CLTCL1: variants seen among roughly 807,000 people sequenced by gnomAD.
CLTCL1 encodes the protein clathrin heavy chain 2.
Under a neutral mutation model 190.0 loss-of-function variants are expected in CLTCL1, and 159 were observed. That is an observed-to-expected ratio of 0.84 (90% CI 0.74 to 0.95). The LOEUF is 0.95. CLTCL1 is among the 40% of genes least tolerant of loss of function. CLTCL1 has a pLI of 0.00. For missense variants in CLTCL1, 1,878 were observed against 2,033.4 expected (o/e 0.92, Z 1.47); for synonymous variants, 752 against 769.6 (o/e 0.98, Z 0.38).
chr22:19,182,990 G>A (rs868906747), intron 30 of CLTCL1: 2 of 254,860 alleles, frequency 7.8e-6, no homozygotes. Flanking sequence ...ACCACCAACC[G>A]TATGCTAACA....
chr22:19,227,195 G>A (rs1555956508), intron 11 of CLTCL1, among the ~76,000 whole-genome samples: 2 of 151,534 alleles, frequency 1.3e-5, no homozygotes, highest in Non-Finnish European at 2.9e-5. Flanking sequence ...TCTCTACTAG[G>A]CTAAATACAG....
intron 22 of CLTCL1, among the ~76,000 whole-genome samples, chr22:19,201,913 T>C (rs1445277132): frequency 6.6e-6 from 1 of 152,112 alleles, no homozygotes. Flanking sequence ...ATCTTTCTCA[T>C]TCTCTGGCAA....
chr22:19,266,906 G>A (rs952299913), intron 2 of CLTCL1, among the ~76,000 whole-genome samples: 3 of 152,090 alleles, frequency 2.0e-5, no homozygotes, highest in South Asian at 4.1e-4. Context: ...AATTGTAAAA[G>A]GCTAAAAACT....
At position 19,181,193 on chromosome 22, in the gene CLTCL1, T is replaced by G. The variant is rs563780767; in HGVS notation, c.4828-387A>C. The G allele has an allele frequency of 3.9e-4, 80 of 207,000 alleles. 1 individual carries two copies. In the Middle Eastern group the frequency reaches 9.1e-3, roughly 23 times the overall value. 12.8% of individuals were successfully genotyped at this position (207,000 alleles called of 1,614,324 possible). ...CCATGTGCAGGGAACACTGTCTGCT[T>G]CTGGCTCTGGCCAGTCTAGTTTGCC... is the stretch of plus-strand genomic sequence containing the variant. On this transcript the variant is annotated intron_variant, in intron 30 of 32. Coordinates refer to ENST00000427926, the MANE Select transcript of CLTCL1 (RefSeq NM_007098.4).
intron 11 of CLTCL1, among the ~76,000 whole-genome samples, chr22:19,227,755 C>G (rs2085797024): frequency 6.6e-6 from 1 of 152,034 alleles, no homozygotes; most frequent in Admixed American, 6.6e-5. Flanking sequence ...ACCTGGCCCA[C>G]CTGGCTAATT....
intron 22 of CLTCL1, among the ~76,000 whole-genome samples, chr22:19,206,597 AT>A (rs200004246): frequency 0.011 from 1,646 of 148,736 alleles, 30 homozygotes; most frequent in African/African-American, 0.038. Flanking sequence ...TCATTTTGTT[AT>A]TTTTTTTCTT....
rs1555926962 is a variant in CLTCL1, at chr22:19,183,648, A to ATCC, written c.4606-38_4606-37insGGA. 4.0e-5 allele frequency: 64 copies of ATCC among 1,605,188 alleles called. 1 individual carries two copies. The highest frequency in any genetic ancestry group is 5.1e-5 in the Non-Finnish European group (60 of 1,174,778). On this transcript the variant is annotated intron_variant, in intron 29 of 32. Transcript: ENST00000427926. ...GCAAATGCTTGCTTGGGCATCCTGC[A>ATCC]GGCAGAGGCTTTGTGCCTGCAGCAG...
Position 19,179,857 on chromosome 22 carries a change from T to G in CLTCL1, c.*133A>C. On this transcript the variant is annotated 3_prime_UTR_variant, in exon 33 of 33. Transcript: ENST00000427926. ...GAAGTTAGTAACTCTGCAGGTAGGG[T>G]GGGTGGTGACAACGCCCACTACACG... 5 of 338,350 alleles carry G rather than the reference T, an allele frequency of 1.5e-5. No homozygotes were observed. The highest frequency in any genetic ancestry group is 2.2e-5 in the Non-Finnish European group (4 of 181,620). 21.0% of individuals were successfully genotyped at this position (338,350 alleles called of 1,614,324 possible).
At chr22:19,182,865 T>C in intron 30 of CLTCL1, 5 of 153,218 alleles carry the variant, frequency 3.3e-5, no homozygotes, top group South Asian at 2.0e-4. Flanking sequence ...CCAGGGAGAG[T>C]TTTACAATCA....
chr22:19,278,321 T>C (rs2087587425), intron 1 of CLTCL1, among the ~76,000 whole-genome samples: 1 of 151,896 alleles, frequency 6.6e-6, no homozygotes, highest in African/African-American at 2.4e-5. Context: ...AATAAGAACA[T>C]GGGGGTCATT....
chr22:19,227,840 T>C (rs1258316125), intron 11 of CLTCL1, among the ~76,000 whole-genome samples: 3 of 152,182 alleles, frequency 2.0e-5, no homozygotes, highest in African/African-American at 4.8e-5. Flanking sequence ...TCTGCTCACC[T>C]TGGCCTCCAA....
Position 19,232,632 on chromosome 22 carries a change from A to G in CLTCL1, c.1522-34T>C, listed in dbSNP as rs190613274. 962 of 1,588,066 alleles carry G rather than the reference A, an allele frequency of 6.1e-4. 2 individuals carry two copies. The highest frequency in any genetic ancestry group is 6.1e-4 in the Non-Finnish European group (718 of 1,167,902). ...AAGGGAGCACCAATCAGGAAAATCAATGAAAAACCCTGGGCATTAGAAAAG... is the reference window on the plus strand; with the variant it reads ...AAGGGAGCACCAATCAGGAAAATCAGTGAAAAACCCTGGGCATTAGAAAAG... On this transcript the variant is annotated intron_variant, in intron 9 of 32. Coordinates refer to ENST00000427926, the MANE Select transcript of CLTCL1 (RefSeq NM_007098.4).
At chr22:19,255,948 CA>C (rs2086734681) in intron 2 of CLTCL1, among the ~76,000 whole-genome samples, 1 of 149,386 alleles carries the variant, frequency 6.7e-6, no homozygotes, top group African/African-American at 2.5e-5. Context: ...CCACCCAAAA[CA>C]TAGCATTTTG....
In CLTCL1 at chr22:19,258,767, G is replaced by T. The variant is rs983515872; in HGVS notation, c.251-4540C>A. The T allele has an allele frequency of 1.8e-4, 126 of 692,124 alleles. 1 individual carries two copies. Among genetic ancestry groups the T allele is most frequent in the Non-Finnish European group, 2.4e-5 (9 of 376,430 alleles). 42.9% of individuals were successfully genotyped at this position (692,124 alleles called of 1,614,324 possible). On this transcript the variant is annotated intron_variant, in intron 2 of 32. Coordinates refer to ENST00000427926, the MANE Select transcript of CLTCL1 (RefSeq NM_007098.4). ...CCTGCAGGATAGTGGACGGCAAAGT[G>T]GTGTTTGAGACCAACGACACCAAAG...
At chr22:19,257,234 T>C (rs2086790522) in intron 2 of CLTCL1, among the ~76,000 whole-genome samples, 1 of 152,124 alleles carries the variant, frequency 6.6e-6, no homozygotes, top group South Asian at 2.1e-4. Context: ...GGTAACAGCA[T>C]AGAAACACAG....
chr22:19,239,453 G>T, intron 4 of CLTCL1, 65 bp from the exon 5 acceptor site: 1 of 1,176,138 alleles, frequency 8.5e-7, no homozygotes, highest in Non-Finnish European at 1.3e-6. Context: ...GCTAGTCAAG[G>T]CACAGAGGCA....
chr22:19,234,616 G>A lies in CLTCL1; in HGVS notation c.1060C>T (p.Arg354Cys), dbSNP rs560664885. The A allele has an allele frequency of 8.1e-5, 131 of 1,614,008 alleles. 2 individuals are homozygous for A. In the South Asian group the frequency reaches 1.3e-3, roughly 16 times the overall value. The change falls in exon 7 of 33, where the codon CGT becomes TGT. Residue 354 changes from arginine to cysteine, a missense_variant. Coordinates refer to ENST00000427926, the MANE Select transcript of CLTCL1 (RefSeq NM_007098.4). The part of the protein sequence containing the change: ...NPDLGLRLAV[R>C]SNLAGAEKLF... ...TTCTCTGCCCCAGCCAGGTTACTAC[G>A]AACGGCCAAACGCAGACCAAGGTCT...
Position 19,235,796 on chromosome 22 carries a change from C to T in CLTCL1, c.869G>A (p.Gly290Asp). The T allele has an allele frequency of 6.2e-7, 1 of 1,613,926 alleles. No individual in the cohort carries two copies. Among genetic ancestry groups the T allele is most frequent in the Non-Finnish European group, 8.5e-7 (1 of 1,179,874 alleles). Residue 290 changes from glycine (G) to aspartate (D), a missense_variant, in exon 6 of 33, where the codon GGC becomes GAC. By Grantham distance (94) the Gly-to-Asp change is moderately conservative. Coordinates refer to ENST00000427926, the MANE Select transcript of CLTCL1 (RefSeq NM_007098.4). ...GYLHLYDLES[G>D]VCICMNRISA... Reference sequence around the variant, plus strand: ...AATACGGTTCATGCAGATGCACACGCCAGACTCTAGGTCGTACAGATGAAG... The same window carrying T: ...AATACGGTTCATGCAGATGCACACGTCAGACTCTAGGTCGTACAGATGAAG...
intron 29 of CLTCL1, chr22:19,184,596 G>A (rs1290509848): frequency 4.4e-6 from 2 of 455,566 alleles, no homozygotes; most frequent in South Asian, 1.5e-5. Context: ...TTGGGTCTCC[G>A]CTTTGAGGAC....
Sources: gnomAD v4.1 joint callset for allele counts (sites outside exome capture counted in the v4.1 genomes callset) on GRCh38, gnomAD v4.1.1 for gene constraint, MANE v1.5 for transcripts, NCBI Gene and HGNC (gene_info 2026-07-23, HGNC 2026-07-21) for gene names.